HNF1B: variants seen among roughly 807,000 people sequenced by gnomAD.
The protein encoded by HNF1B is hepatocyte nuclear factor 1-beta.
A neutral mutation model predicts 61.7 loss-of-function variants in HNF1B; 8 were observed. The observed-to-expected ratio is 0.13, with a 90% CI of 0.08 to 0.23. HNF1B has a LOEUF of 0.23. HNF1B is among the 10% of genes least tolerant of loss of function. The pLI is 1.00. For missense variants in HNF1B, 562 were observed against 714.5 expected, an observed-to-expected ratio of 0.79 and a Z score of 2.43; for synonymous variants, 314 against 287.7, an observed-to-expected ratio of 1.09 and a Z score of -0.93.
intron 8 of HNF1B, among the ~76,000 whole-genome samples, chr17:37,695,745 C>T (rs1348466807): frequency 6.6e-6 from 1 of 152,198 alleles, no homozygotes; most frequent in East Asian, 1.9e-4. Context: ...GGTGTTACCC[C>T]TTTCTTTTGG....
intron 8 of HNF1B, among the ~76,000 whole-genome samples, chr17:37,690,003 GCACACACACACACACA>G (rs5820231): frequency 2.2e-4 from 33 of 148,876 alleles, no homozygotes; most frequent in Admixed American, 6.7e-4. Flanking sequence ...ACAAATGCGT[GCACACACACACACACA>G]CACACACACA....
chr17:37,732,970 C>A (rs957790968), intron 3 of HNF1B, among the ~76,000 whole-genome samples: 1 of 152,002 alleles, frequency 6.6e-6, no homozygotes, highest in Non-Finnish European at 1.5e-5. Context: ...TGTGAGCCAC[C>A]GTGCCTGGCT....
intron 4 of HNF1B, among the ~76,000 whole-genome samples, chr17:37,723,479 A>G (rs2147515193): frequency 6.6e-6 from 1 of 152,266 alleles, no homozygotes; most frequent in Admixed American, 6.5e-5. Flanking sequence ...CTCTGCCCCC[A>G]CCAATCCATG....
intron 4 of HNF1B, 66 bp downstream of exon 4, chr17:37,731,529 A>G (rs1471788565): frequency 1.0e-5 from 14 of 1,347,120 alleles, no homozygotes; most frequent in Admixed American, 3.9e-5. Flanking sequence ...CTTAAACCAG[A>G]TAAGATCCGT....
intron 8 of HNF1B, among the ~76,000 whole-genome samples, chr17:37,691,507 C>G (rs2032203519): frequency 6.6e-6 from 1 of 152,162 alleles, no homozygotes; most frequent in Non-Finnish European, 1.5e-5. Context: ...AGACCCTTTT[C>G]CCAAACTCAG....
chr17:37,741,233 G>A (rs941764328), intron 1 of HNF1B, among the ~76,000 whole-genome samples: 2 of 152,102 alleles, frequency 1.3e-5, no homozygotes, highest in African/African-American at 2.4e-5. Context: ...AATTAATTCT[G>A]TTTAATGAAT....
rs773256244 is a variant in HNF1B, at chr17:37,744,876, G to C, written c.9C>G (p.Ser3=). The stretch of plus-strand genomic sequence containing the variant: ...GTTCTTGCTGGAGCGACGTGAGCTT[G>C]GACACCATTTTCCAAGGACGGAAAA... MV[S]KLTSLQQELL... The change falls in exon 1 of 9, where the codon TCC becomes TCG. Residue 3 remains serine, a synonymous_variant. Transcript: ENST00000617811. 3.7e-6 allele frequency: 6 copies of C among 1,604,900 alleles called. No homozygotes were observed. In the African/African-American group the frequency reaches 6.7e-5, roughly 18 times the overall value.
In HNF1B at chr17:37,719,040, G is replaced by A. The variant is rs147650263; in HGVS notation, c.1046-8377C>T. ...GCAGCCTTGAACTCCTGGGCTCAAG[G>A]AATCCTCCCACCTCAGCCCCCAAAA... On this transcript the variant is annotated intron_variant, in intron 4 of 8. Coordinates refer to ENST00000617811, the MANE Select transcript of HNF1B (RefSeq NM_000458.4). Among the ~76,000 whole-genome samples, 652 of 152,030 alleles carry A rather than the reference G, an allele frequency of 4.3e-3. 3 individuals are homozygous for A. Among genetic ancestry groups the A allele is most frequent in the Non-Finnish European group, 7.5e-3 (510 of 67,982 alleles).
chr17:37,698,125 G>C (rs1476977948), intron 8 of HNF1B, among the ~76,000 whole-genome samples: 1 of 152,032 alleles, frequency 6.6e-6, no homozygotes, highest in Non-Finnish European at 1.5e-5. Context: ...GTGATTTGCA[G>C]GGCTCAGATG....
At chr17:37,693,828 A>G (rs922760818) in intron 8 of HNF1B, among the ~76,000 whole-genome samples, 1 of 152,204 alleles carries the variant, frequency 6.6e-6, no homozygotes, top group South Asian at 2.1e-4. Flanking sequence ...CCCCTTGGTG[A>G]TAAGTGAGCT....
intron 4 of HNF1B, among the ~76,000 whole-genome samples, chr17:37,718,185 T>C (rs887223805): frequency 1.3e-5 from 2 of 152,096 alleles, no homozygotes. Flanking sequence ...AAAAGCACCT[T>C]GGCTGAGAAC....
At chr17:37,706,377 G>T (rs1003673241) in intron 5 of HNF1B, among the ~76,000 whole-genome samples, 1 of 152,088 alleles carries the variant, frequency 6.6e-6, no homozygotes, top group Non-Finnish European at 1.5e-5. Flanking sequence ...TGCACCAGAT[G>T]TCTGAGTAAC....
At chr17:37,689,304 C>CT (rs559553515) in intron 8 of HNF1B, among the ~76,000 whole-genome samples, 6 of 152,132 alleles carry the variant, frequency 3.9e-5, no homozygotes, top group Admixed American at 1.3e-4. Context: ...TCTCAAGTCT[C>CT]TTTACTTCCC....
At chr17:37,734,460 A>T (rs2033777148) in intron 2 of HNF1B, among the ~76,000 whole-genome samples, 1 of 152,246 alleles carries the variant, frequency 6.6e-6, no homozygotes, top group Non-Finnish European at 1.5e-5. Context: ...GTGTTTAATT[A>T]GCTGGAAATG....
chr17:37,718,401 C>A (rs1472990547), intron 4 of HNF1B, among the ~76,000 whole-genome samples: 1 of 152,190 alleles, frequency 6.6e-6, no homozygotes, highest in African/African-American at 2.4e-5. Context: ...TAAAAGGAAC[C>A]AGCCTGGCAC....
chr17:37,718,828 C>G (rs894038192), intron 4 of HNF1B, among the ~76,000 whole-genome samples: 3 of 152,184 alleles, frequency 2.0e-5, no homozygotes, highest in African/African-American at 7.2e-5. Context: ...GAATGAATAA[C>G]CTATGCTTAA....
At chr17:37,705,912 C>A (rs765584779) in intron 5 of HNF1B, among the ~76,000 whole-genome samples, 1 of 152,128 alleles carries the variant, frequency 6.6e-6, no homozygotes, top group Non-Finnish European at 1.5e-5. Flanking sequence ...TTAAACACAC[C>A]TACACTTTTT....
At chr17:37,722,991 G>A (rs1482829362) in intron 4 of HNF1B, among the ~76,000 whole-genome samples, 1 of 151,940 alleles carries the variant, frequency 6.6e-6, no homozygotes, top group Non-Finnish European at 1.5e-5. Context: ...GGTTCCCAGG[G>A]CTAATTACTA....
intron 8 of HNF1B, among the ~76,000 whole-genome samples, chr17:37,696,923 C>T (rs986673461): frequency 6.6e-6 from 1 of 152,214 alleles, no homozygotes; most frequent in South Asian, 2.1e-4. Context: ...TCCCATTCCT[C>T]CTTCTCTTTC....
Sources: gnomAD v4.1 joint callset for allele counts (sites outside exome capture counted in the v4.1 genomes callset) on GRCh38, gnomAD v4.1.1 for gene constraint, MANE v1.5 for transcripts, NCBI Gene and HGNC (gene_info 2026-07-23, HGNC 2026-07-21) for gene names.